Variants in CFAP97D2 observed in about 807,000 individuals in gnomAD.
CFAP97D2 encodes uncharacterized protein CFAP97D2.
In CFAP97D2 at chr13:114,182,191, G is replaced by A. The variant is rs373213582; in HGVS notation, c.90+2771G>A. On this transcript the variant is annotated intron_variant, in intron 1 of 4. Coordinates refer to ENST00000646158, the Ensembl canonical transcript of CFAP97D2. Reference sequence around the variant, plus strand: ...AAAAAACGTGAGCAAAAGAGTCTATGTCGTAATTAAGTTCAAGGGAAGGTA... The same window carrying A: ...AAAAAACGTGAGCAAAAGAGTCTATATCGTAATTAAGTTCAAGGGAAGGTA... Among the ~76,000 whole-genome samples, 477 of 142,406 alleles carry A rather than the reference G, an allele frequency of 3.3e-3. 28 individuals carry two copies. The highest frequency in any genetic ancestry group is 4.1e-3 in the Non-Finnish European group (269 of 65,060). The allele number at this position is 142,406 out of a possible 152,430, so 93.4% of individuals were successfully genotyped here.
At chr13:114,205,939 G>A (rs1199578090) in intron 3 of CFAP97D2, among the ~76,000 whole-genome samples, 1 of 152,198 alleles carries the variant, frequency 6.6e-6, no homozygotes, top group East Asian at 1.9e-4. Flanking sequence ...CCTCTTCCAG[G>A]AAGGAGGCCC....
intron 1 of CFAP97D2, among the ~76,000 whole-genome samples, chr13:114,182,405 G>A (rs1022985201): frequency 4.6e-5 from 7 of 151,892 alleles, no homozygotes; most frequent in Non-Finnish European, 8.8e-5. Flanking sequence ...AGTTCCCAGG[G>A]GCAGGCAGGA....
intron 3 of CFAP97D2, among the ~76,000 whole-genome samples, chr13:114,210,740 A>G (rs1250900171): frequency 2.0e-5 from 3 of 151,962 alleles, no homozygotes; most frequent in Admixed American, 2.0e-4. Context: ...GTTCCACCCC[A>G]GCTCAAGCCC....
intron 4 of CFAP97D2, among the ~76,000 whole-genome samples, chr13:114,221,999 C>A (rs1051375715): frequency 6.6e-6 from 1 of 152,158 alleles, no homozygotes; most frequent in Admixed American, 6.5e-5. Context: ...CGTGGTATAG[C>A]CATAGAATGG....
intron 1 of CFAP97D2, among the ~76,000 whole-genome samples, chr13:114,182,438 A>C (rs965128517): frequency 6.6e-6 from 1 of 151,720 alleles, no homozygotes; most frequent in Non-Finnish European, 1.5e-5. Context: ...CCTCTATCTC[A>C]ACTGCAAGAG....
intron 2 of CFAP97D2, among the ~76,000 whole-genome samples, chr13:114,200,073 T>G (rs7332155): frequency 0.24 from 4,811 of 20,454 alleles, 1,058 homozygotes; most frequent in African/African-American, 0.32. Flanking sequence ...GGTCCCCGCT[T>G]AGGGGTGACG....
chr13:114,215,326 T>C (rs2080988692), intron 4 of CFAP97D2, among the ~76,000 whole-genome samples: 1 of 152,228 alleles, frequency 6.6e-6, no homozygotes, highest in African/African-American at 2.4e-5. Context: ...ATGTTATCAA[T>C]ATTTACCTTT....
At chr13:114,199,044 G>T (rs1417147619) in intron 2 of CFAP97D2, among the ~76,000 whole-genome samples, 104 of 16,954 alleles carry the variant, frequency 6.1e-3, no homozygotes, top group African/African-American at 0.015. Context: ...CGTCCCCGTG[G>T]GTACGGTCCC....
At chr13:114,219,697 C>T (rs902213525) in intron 4 of CFAP97D2, among the ~76,000 whole-genome samples, 1 of 152,216 alleles carries the variant, frequency 6.6e-6, no homozygotes, top group African/African-American at 2.4e-5. Context: ...GACACTGGCT[C>T]CGAGGCATGC....
At chr13:114,196,847 T>C (rs999849418) in intron 2 of CFAP97D2, among the ~76,000 whole-genome samples, 9 of 152,214 alleles carry the variant, frequency 5.9e-5, no homozygotes, top group African/African-American at 2.2e-4. Flanking sequence ...ACTTGAGACG[T>C]CAATCAATAC....
At position 114,182,059 on chromosome 13, in the gene CFAP97D2, C is replaced by T. The variant is rs186990041; in HGVS notation, c.90+2639C>T. Among the ~76,000 whole-genome samples, 226 of 151,964 alleles carry T rather than the reference C, an allele frequency of 1.5e-3. 2 individuals carry two copies. Among genetic ancestry groups the T allele is most frequent in the African/African-American group, 5.1e-3 (212 of 41,460 alleles). ...CGCTCAGCATACCAAGGACCTGCAC[C>T]AGCACCGGTCTCTGAGTTCCCTCAG... is the stretch of plus-strand genomic sequence containing the variant. On this transcript the variant is annotated intron_variant, in intron 1 of 4. Coordinates refer to ENST00000646158, the Ensembl canonical transcript of CFAP97D2.
rs192760494 is a variant in CFAP97D2 at position 114,190,061 on chromosome 13, G to A, written c.91-6335G>A. ...GGAAGTGGAGATGGGAGGATCACTTGAGCTCAGGAGTTTGAGATTACAGTG... is the reference window on the plus strand; with the variant it reads ...GGAAGTGGAGATGGGAGGATCACTTAAGCTCAGGAGTTTGAGATTACAGTG... On this transcript the variant is annotated intron_variant, in intron 1 of 4. Coordinates refer to ENST00000646158, the Ensembl canonical transcript of CFAP97D2. 1.2e-3 allele frequency among the ~76,000 whole-genome samples: 180 copies of A among 152,174 alleles called. 1 individual carries two copies. The highest frequency in any genetic ancestry group is 4.3e-3 in the African/African-American group (178 of 41,514).
intron 3 of CFAP97D2, among the ~76,000 whole-genome samples, chr13:114,200,808 G>T (rs372514350): frequency 6.6e-6 from 1 of 152,200 alleles, no homozygotes; most frequent in Non-Finnish European, 1.5e-5. Context: ...GCACTGGGAG[G>T]TGGCAGAACT....
At position 114,213,262 on chromosome 13, in the gene CFAP97D2, T is replaced by C. The variant is rs910223966; in HGVS notation, c.480+1161T>C. 7.3e-5 allele frequency among the ~76,000 whole-genome samples: 11 copies of C among 151,454 alleles called. No individual in the cohort carries two copies. The South Asian group carries it at 8.4e-4, about 12-fold the overall frequency. On this transcript the variant is annotated intron_variant, in intron 4 of 4. Transcript: ENST00000646158. ...AGATTAAATAAATGCTCCAGGACCA[T>C]GGACCCCACCCCTGCACAAACTCCA...
rs1164501770 is a variant in CFAP97D2 at position 114,207,635 on chromosome 13, T to C, written c.291-4277T>C. ...AGTGGCTGTGAATACAGATGAAGCTTCGCTCCCTCGCCTGCTGCTCACCTC... is the reference window on the plus strand; with the variant it reads ...AGTGGCTGTGAATACAGATGAAGCTCCGCTCCCTCGCCTGCTGCTCACCTC... On this transcript the variant is annotated intron_variant, in intron 3 of 4. Transcript: ENST00000646158. The surrounding 1 kb of genome is among the most constrained non-coding windows in gnomAD (Gnocchi z 4.9). Among the ~76,000 whole-genome samples, 2 of 152,238 alleles carry C rather than the reference T, an allele frequency of 1.3e-5. No individual in the cohort carries two copies. Among genetic ancestry groups the C allele is most frequent in the African/African-American group, 4.8e-5 (2 of 41,464 alleles).
chr13:114,182,878 T>C (rs1399124923), intron 1 of CFAP97D2, among the ~76,000 whole-genome samples: 1 of 152,232 alleles, frequency 6.6e-6, no homozygotes, highest in Non-Finnish European at 1.5e-5. Flanking sequence ...ATGGAGTCTC[T>C]TATGTCTTCC....
intron 4 of CFAP97D2, among the ~76,000 whole-genome samples, chr13:114,218,921 A>G (rs2081007515): frequency 6.6e-6 from 1 of 152,236 alleles, no homozygotes; most frequent in South Asian, 2.1e-4. Flanking sequence ...AACCATAAAA[A>G]GCCTAGAAGA....
At position 114,186,783 on chromosome 13, in the gene CFAP97D2, A is replaced by T. The variant is rs1291650885; in HGVS notation, c.90+7363A>T. Reference sequence around the variant, plus strand: ...CACCTGGAGCTGCCCATCTCACTGCAGCAGCTGGCATGACTGGCTGTGCAG... The same window carrying T: ...CACCTGGAGCTGCCCATCTCACTGCTGCAGCTGGCATGACTGGCTGTGCAG... On this transcript the variant is annotated intron_variant, in intron 1 of 4. Transcript: ENST00000646158. This position sits in a 1 kb window ranked among gnomAD's most constrained non-coding sequence, Gnocchi z 4.3. 6.6e-6 allele frequency among the ~76,000 whole-genome samples: 1 copy of T among 152,252 alleles called. No individual in the cohort carries two copies. The highest frequency in any genetic ancestry group is 1.5e-5 in the Non-Finnish European group (1 of 68,038).
Position 114,179,793 on chromosome 13 carries a change from T to C in CFAP97D2, c.90+373T>C, listed in dbSNP as rs2080826024. On this transcript the variant is annotated intron_variant, in intron 1 of 4. Transcript: ENST00000646158. The surrounding 1 kb of genome is among the most constrained non-coding windows in gnomAD (Gnocchi z 4.8). ...TTTCTTTTTCTTTCTTTTTGTTTTTTGTTTTTGTTTTTGTTTTTGTTTGTT... is the reference window on the plus strand; with the variant it reads ...TTTCTTTTTCTTTCTTTTTGTTTTTCGTTTTTGTTTTTGTTTTTGTTTGTT... 6.6e-6 allele frequency among the ~76,000 whole-genome samples: 1 copy of C among 152,084 alleles called. No homozygotes were observed. Among genetic ancestry groups the C allele is most frequent in the African/African-American group, 2.4e-5 (1 of 41,406 alleles).
Sources: gnomAD v4.1 joint callset for allele counts (sites outside exome capture counted in the v4.1 genomes callset) on GRCh38, gnomAD v4.1.1 for gene constraint, Gnocchi (gnomAD v3.1) non-coding constraint, MANE v1.5 for transcripts, NCBI Gene and HGNC (gene_info 2026-07-23, HGNC 2026-07-21) for gene names.